Variants in ABL1 observed in about 807,000 individuals in gnomAD.
The protein encoded by ABL1 is tyrosine-protein kinase ABL1.
In ABL1, 11 loss-of-function variants were observed where a neutral mutation model predicts 94.7. The ratio of observed to expected loss-of-function variants is 0.12; its 90% confidence interval spans 0.07 to 0.19. The LOEUF (loss-of-function observed/expected upper bound fraction) is 0.19. ABL1 is among the 10% of genes least tolerant of loss of function. The pLI is 1.00. For synonymous variants in ABL1, 656 were observed against 622.4 expected, an observed-to-expected ratio of 1.05 and a Z score of -0.80; for missense variants, 1,082 against 1,489.4, an observed-to-expected ratio of 0.73 and a Z score of 4.50.
At position 130,872,423 on chromosome 9, in the gene ABL1, ATG is replaced by A. The variant is rs1479715064; in HGVS notation, c.907+213_907+214del. Among the ~76,000 whole-genome samples the A allele has an allele frequency of 6.6e-6, 1 of 152,246 alleles. No homozygotes were observed. The highest frequency in any genetic ancestry group is 1.5e-5 in the Non-Finnish European group (1 of 68,046). On this transcript the variant is annotated intron_variant, in intron 5 of 10. Coordinates refer to ENST00000318560, the MANE Select transcript of ABL1 (RefSeq NM_005157.6). This position sits in a 1 kb window ranked among gnomAD's most constrained non-coding sequence, Gnocchi z 5.0. Reference sequence around the variant, plus strand: ...TGCACATGTATGTATGAGAGGGAGAATGTGATTATTTTAAGTGGATACCTAAA... The same window carrying A: ...TGCACATGTATGTATGAGAGGGAGAATGATTATTTTAAGTGGATACCTAAA...
chr9:130,767,369 C>T (rs561147179), intron 1 of ABL1, among the ~76,000 whole-genome samples: 2 of 152,176 alleles, frequency 1.3e-5, no homozygotes, highest in South Asian at 4.1e-4. Context: ...GAGTCTCACT[C>T]TGTTGTCCAG....
intron 1 of ABL1, among the ~76,000 whole-genome samples, chr9:130,758,992 C>T (rs1277456149): frequency 6.6e-6 from 1 of 152,118 alleles, no homozygotes. Context: ...TTGGGAAGTG[C>T]TTTGGAACCT....
At chr9:130,868,105 G>A (rs1428475035) in intron 4 of ABL1, among the ~76,000 whole-genome samples, 2 of 151,748 alleles carry the variant, frequency 1.3e-5, no homozygotes, top group African/African-American at 4.8e-5. Flanking sequence ...GACTACAGGT[G>A]CCTGCGACCA....
At position 130,872,445 on chromosome 9, in the gene ABL1, C is replaced by T. The variant is rs1248459452; in HGVS notation, c.907+232C>T. ...AGAATGTGATTATTTTAAGTGGATA[C>T]CTAAAAGCAGTCAAATGCAAATCTG... On this transcript the variant is annotated intron_variant, in intron 5 of 10. Coordinates refer to ENST00000318560, the MANE Select transcript of ABL1 (RefSeq NM_005157.6). The surrounding 1 kb of genome is among the most constrained non-coding windows in gnomAD (Gnocchi z 5.0). Among the ~76,000 whole-genome samples the T allele has an allele frequency of 6.6e-6, 1 of 152,208 alleles. No homozygotes were observed. The highest frequency in any genetic ancestry group is 6.5e-5 in the Admixed American group (1 of 15,278).
At chr9:130,774,659 TA>T (rs1564286705) in intron 1 of ABL1, among the ~76,000 whole-genome samples, 4 of 151,734 alleles carry the variant, frequency 2.6e-5, no homozygotes, top group African/African-American at 9.7e-5. Flanking sequence ...CCTCATCTGT[TA>T]AAAAAACAAA....
chr9:130,774,447 G>A (rs1832288698), intron 1 of ABL1, among the ~76,000 whole-genome samples: 1 of 152,068 alleles, frequency 6.6e-6, no homozygotes, highest in Non-Finnish European at 1.5e-5. Context: ...AATTCAGACT[G>A]CCCTATAAAG....
chr9:130,868,514 CTTTTTCTTTTTTTT>C (rs1831194995), intron 4 of ABL1, among the ~76,000 whole-genome samples: 2 of 129,658 alleles, frequency 1.5e-5, no homozygotes, highest in South Asian at 4.9e-4. Flanking sequence ...TTTCTTTTTT[CTTTTTCTTTTTTTT>C]TTTTTTTTTT....
chr9:130,714,302 G>A (rs746959688), exon 1 of ABL1: 43 of 1,576,046 alleles, frequency 2.7e-5, no homozygotes, highest in Non-Finnish European at 3.7e-5. Flanking sequence ...TCTGGAAAGG[G>A]GTACCTATTA....
At chr9:130,721,825 T>G (rs1831518211) in intron 1 of ABL1, among the ~76,000 whole-genome samples, 1 of 148,320 alleles carries the variant, frequency 6.7e-6, no homozygotes, top group Non-Finnish European at 1.5e-5. Flanking sequence ...TTTTTTTGTT[T>G]TTTTTTTTTT....
At chr9:130,755,090 G>A (rs563135441) in intron 1 of ABL1, among the ~76,000 whole-genome samples, 51 of 152,286 alleles carry the variant, frequency 3.3e-4, no homozygotes, top group Non-Finnish European at 5.9e-4. Flanking sequence ...TGTCCTGAGC[G>A]CCTAGAACAG....
chr9:130,885,496 G>A lies in ABL1; in HGVS notation c.3206G>A (p.Ser1069Asn), dbSNP rs1831563425. 2 of 1,614,150 alleles carry A rather than the reference G, an allele frequency of 1.2e-6. No homozygotes were observed. Among genetic ancestry groups the A allele is most frequent in the African/African-American group, 1.3e-5 (1 of 75,082 alleles). ...AAAAACCTCTACACGTTCTGCGTGA[G>A]CTATGTGGATTCCATCCAGCAAATG... ...AGKNLYTFCVSYVDSIQQMRN... is the reference protein window; with the variant it reads ...AGKNLYTFCVNYVDSIQQMRN... Residue 1069 changes from serine to asparagine, a missense_variant, in exon 11 of 11, where the codon AGC becomes AAC. Coordinates refer to ENST00000318560, the MANE Select transcript of ABL1 (RefSeq NM_005157.6).
At chr9:130,834,232 C>G (rs187814672), upstream of ABL1, among the ~76,000 whole-genome samples, 143 of 152,324 alleles carry the variant, frequency 9.4e-4, no homozygotes, top group Non-Finnish European at 1.6e-3. Flanking sequence ...CACGTCAGCT[C>G]TTACTCTTCA....
intron 1 of ABL1, among the ~76,000 whole-genome samples, chr9:130,770,648 G>A (rs529345372): frequency 6.6e-6 from 1 of 152,338 alleles, no homozygotes; most frequent in East Asian, 1.9e-4. Context: ...CTGTGTGCAG[G>A]CACTGTTCTA....
At chr9:130,852,334 C>A (rs1830881012) in intron 1 of ABL1, among the ~76,000 whole-genome samples, 1 of 152,126 alleles carries the variant, frequency 6.6e-6, no homozygotes, top group African/African-American at 2.4e-5. Context: ...GGACTAGTAG[C>A]TGGAACTACA....
chr9:130,742,761 T>C (rs1373186234), intron 1 of ABL1, among the ~76,000 whole-genome samples: 1 of 152,178 alleles, frequency 6.6e-6, no homozygotes. Context: ...CAAACAAATA[T>C]GTGTGTATCG....
rs1482700990 is a variant in ABL1 at position 130,862,792 on chromosome 9, C to T, written c.579C>T (p.Asn193=). The T allele has an allele frequency of 8.1e-6, 13 of 1,614,102 alleles. No individual in the cohort carries two copies. The highest frequency in any genetic ancestry group is 1.0e-5 in the Non-Finnish European group (12 of 1,180,036). Residue 193 remains asparagine (N), a synonymous_variant, in exon 4 of 11, where the codon AAC becomes AAT. Coordinates refer to ENST00000318560, the MANE Select transcript of ABL1 (RefSeq NM_005157.6). The surrounding 1 kb of genome is among the most constrained non-coding windows in gnomAD (Gnocchi z 5.5). ...ACGTCTCCTCCGAGAGCCGCTTCAACACCCTGGCCGAGTTGGTTCATCATC... is the reference window on the plus strand; with the variant it reads ...ACGTCTCCTCCGAGAGCCGCTTCAATACCCTGGCCGAGTTGGTTCATCATC... ...KLYVSSESRF[N]TLAELVHHHS... is the part of the protein sequence containing the mutation.
intron 1 of ABL1, among the ~76,000 whole-genome samples, chr9:130,744,218 C>G (rs1213448737): frequency 2.0e-5 from 3 of 151,902 alleles, no homozygotes; most frequent in Non-Finnish European, 2.9e-5. Flanking sequence ...TCTCGGCTCA[C>G]TGCAACCTCT....
chr9:130,886,941 G>A lies in ABL1; in HGVS notation c.*1258G>A, dbSNP rs1588284950. 1.7e-5 allele frequency: 4 copies of A among 232,820 alleles called. No individual in the cohort carries two copies. Among genetic ancestry groups the A allele is most frequent in the East Asian group, 1.2e-4 (2 of 16,524 alleles). 14.4% of individuals were successfully genotyped at this position (232,820 alleles called of 1,614,324 possible). A position where few individuals can be genotyped will look rare whatever the true frequency, so the allele number is the denominator to read the frequency against. On this transcript the variant is annotated 3_prime_UTR_variant, in exon 11 of 11. Transcript: ENST00000318560. Reference sequence around the variant, plus strand: ...CTCATGTTCTGTGGGGGTCATCAGGGAGGGTTAGGAAAACCACAAACGGAG... The same window carrying A: ...CTCATGTTCTGTGGGGGTCATCAGGAAGGGTTAGGAAAACCACAAACGGAG...
At chr9:130,829,564 C>CAAAAAAAA (rs1167581144) in intron 1 of ABL1, among the ~76,000 whole-genome samples, 2 of 68,720 alleles carry the variant, frequency 2.9e-5, no homozygotes, top group African/African-American at 4.9e-5. Flanking sequence ...GACTACGTCT[C>CAAAAAAAA]AAAAAAAAAA....
Sources: allele counts gnomAD v4.1 joint callset (sites outside exome capture counted in the v4.1 genomes callset), GRCh38; gene constraint gnomAD v4.1.1; non-coding constraint Gnocchi (gnomAD v3.1); transcripts MANE v1.5; gene names NCBI Gene and HGNC (gene_info 2026-07-23, HGNC 2026-07-21).